The following SAFB variants were observed in gnomAD, a reference collection of about 807,000 sequenced individuals.
The protein encoded by SAFB is scaffold attachment factor B1.
A neutral mutation model predicts 101.6 loss-of-function variants in SAFB; 15 were observed. The ratio of observed to expected loss-of-function variants is 0.15; its 90% CI spans 0.10 to 0.23. The LOEUF is 0.23. Ranked by LOEUF, SAFB falls within the 10% of genes least tolerant of loss-of-function variation. SAFB has a pLI of 1.00. For missense variants in SAFB, 930 were observed against 1,104.1 expected (o/e 0.84, Z 2.23); for synonymous variants, 449 against 407.5 (o/e 1.10, Z -1.23).
chr19:5,636,922 T>C (rs2053606449), intron 2 of SAFB, among the ~76,000 whole-genome samples: 1 of 151,748 alleles, frequency 6.6e-6, no homozygotes, highest in African/African-American at 2.4e-5. Flanking sequence ...TTGACCAGGC[T>C]GGTCTCAAAC....
intron 9 of SAFB, among the ~76,000 whole-genome samples, chr19:5,651,602 C>T (rs2053939817): frequency 6.6e-6 from 1 of 152,188 alleles, no homozygotes; most frequent in Non-Finnish European, 1.5e-5. Context: ...TTGTCTGCAG[C>T]ACCTGCCTTT....
intron 9 of SAFB, among the ~76,000 whole-genome samples, chr19:5,652,508 C>G (rs543425364): frequency 1.3e-5 from 2 of 152,302 alleles, no homozygotes; most frequent in East Asian, 3.9e-4. Flanking sequence ...CAGCCTCGGC[C>G]ACTGGCTGCT....
At chr19:5,652,736 T>A (rs958844350) in intron 9 of SAFB, among the ~76,000 whole-genome samples, 1 of 152,212 alleles carries the variant, frequency 6.6e-6, no homozygotes, top group Non-Finnish European at 1.5e-5. Context: ...AAGTCTTTTT[T>A]TTTTCTTTTT....
intron 2 of SAFB, among the ~76,000 whole-genome samples, chr19:5,631,184 T>C (rs1288878547): frequency 6.6e-6 from 1 of 152,038 alleles, no homozygotes; most frequent in African/African-American, 2.4e-5. Flanking sequence ...TGCAAGACTG[T>C]GTCTCAAAAA....
At chr19:5,662,102 G>A (rs941273266) in intron 15 of SAFB, among the ~76,000 whole-genome samples, 1 of 152,030 alleles carries the variant, frequency 6.6e-6, no homozygotes, top group Admixed American at 6.6e-5. Flanking sequence ...AGCCAGGATG[G>A]TCTCTATCTC....
intron 15 of SAFB, among the ~76,000 whole-genome samples, chr19:5,662,142 C>G (rs2054225637): frequency 6.6e-6 from 1 of 152,178 alleles, no homozygotes; most frequent in South Asian, 2.1e-4. Flanking sequence ...GCCTCGGCCT[C>G]CCAAAATGCT....
intron 1 of SAFB, among the ~76,000 whole-genome samples, chr19:5,623,606 G>C (rs984292576): frequency 1.3e-5 from 2 of 152,172 alleles, no homozygotes; most frequent in Non-Finnish European, 2.9e-5. Context: ...ATGGGGCCAG[G>C]AGAACCACAA....
intron 17 of SAFB, chr19:5,664,826 C>G (rs1367112569): frequency 8.4e-6 from 2 of 239,404 alleles, no homozygotes; most frequent in Non-Finnish European, 1.7e-5. Context: ...CCTCGAGTGC[C>G]TGCCCTCTTT....
intron 2 of SAFB, among the ~76,000 whole-genome samples, chr19:5,632,716 CA>C (rs769162492): frequency 6.6e-6 from 1 of 152,158 alleles, no homozygotes; most frequent in Non-Finnish European, 1.5e-5. Flanking sequence ...AGAAATACAC[CA>C]GACATGTTGT....
chr19:5,667,515 C>G lies in SAFB; in HGVS notation c.2557+65C>G. On this transcript the variant is annotated intron_variant, in intron 19 of 20. Transcript: ENST00000588852. The surrounding 1 kb of genome is among the most constrained non-coding windows in gnomAD (Gnocchi z 4.0). ...GAGTGATGGAAAGATGGAGGCCGCGCCTTCTCTCCTTGGGGGAGCACAGGA... is the reference window on the plus strand; with the variant it reads ...GAGTGATGGAAAGATGGAGGCCGCGGCTTCTCTCCTTGGGGGAGCACAGGA... 8.6e-7 allele frequency: 1 copy of G among 1,159,366 alleles called. No individual in the cohort carries two copies. Among genetic ancestry groups the G allele is most frequent in the Non-Finnish European group, 1.2e-6 (1 of 816,256 alleles). 71.8% of individuals were successfully genotyped at this position (1,159,366 alleles called of 1,614,324 possible). A position where few individuals can be genotyped will look rare whatever the true frequency, so the allele number is the denominator to read the frequency against.
chr19:5,623,134 A>G lies in SAFB; in HGVS notation c.-72A>G. 2 of 1,462,346 alleles carry G rather than the reference A, an allele frequency of 1.4e-6. No homozygotes were observed. The highest frequency in any genetic ancestry group is 1.9e-6 in the Non-Finnish European group (2 of 1,079,734). The allele number at this position is 1,462,346 out of a possible 1,614,324, so 90.6% of individuals were successfully genotyped here. ...GAGCGGTTCCCTCGCAGGCGGCGCC[A>G]TTTTGTGCTAGGAGCCTGATAAAAC... On this transcript the variant is annotated 5_prime_UTR_variant, in exon 1 of 21. Transcript: ENST00000588852.
In SAFB at chr19:5,667,535, A is replaced by G. The variant is rs768523308; in HGVS notation, c.2557+85A>G. ...CCGCGCCTTCTCTCCTTGGGGGAGCACAGGAGGTGCTCTGCTCTCAGTGCT... is the reference window on the plus strand; with the variant it reads ...CCGCGCCTTCTCTCCTTGGGGGAGCGCAGGAGGTGCTCTGCTCTCAGTGCT... On this transcript the variant is annotated intron_variant, in intron 19 of 20. Transcript: ENST00000588852. The surrounding 1 kb of genome is among the most constrained non-coding windows in gnomAD (Gnocchi z 4.0). 1.6e-5 allele frequency: 15 copies of G among 954,756 alleles called. No homozygotes were observed. The highest frequency in any genetic ancestry group is 2.4e-5 in the Non-Finnish European group (15 of 631,814). 59.1% of individuals were successfully genotyped at this position (954,756 alleles called of 1,614,324 possible).
intron 9 of SAFB, among the ~76,000 whole-genome samples, chr19:5,651,668 C>T (rs909441850): frequency 3.9e-5 from 6 of 152,152 alleles, no homozygotes; most frequent in African/African-American, 1.2e-4. Context: ...CAGTGCCCAG[C>T]GCAGCCGCCT....
Position 5,649,407 on chromosome 19 carries a change from A to C in SAFB, c.1056A>C (p.Glu352Asp). Reference protein sequence around the residue: ...APSPEARDSKEDGRKFDFDAC... With the variant: ...APSPEARDSKDDGRKFDFDAC... ...GCCCAGAAGCCAGAGATAGCAAAGA[A>C]GACGGGAGGAAGTTTGATTTTGACG... Residue 352 changes from glutamate to aspartate, a missense_variant, in exon 7 of 21, where the codon GAA becomes GAC. Around this residue, in one of 7 missense-constraint regions of SAFB, gnomAD observed 130 missense variants for 114.2 expected, o/e 1.14. Transcript: ENST00000588852. 2.2e-6 allele frequency: 1 copy of C among 454,258 alleles called. No individual in the cohort carries two copies. The highest frequency in any genetic ancestry group is 3.6e-6 in the Non-Finnish European group (1 of 277,244). 28.1% of individuals were successfully genotyped at this position (454,258 alleles called of 1,614,324 possible). A position where few individuals can be genotyped will look rare whatever the true frequency, so the allele number is the denominator to read the frequency against.
Position 5,667,705 on chromosome 19 carries a change from C to A in SAFB, c.2558-115C>A. On this transcript the variant is annotated intron_variant, in intron 19 of 20. Coordinates refer to ENST00000588852, the MANE Select transcript of SAFB (RefSeq NM_001201338.2). This position sits in a 1 kb window ranked among gnomAD's most constrained non-coding sequence, Gnocchi z 4.0. Reference sequence around the variant, plus strand: ...CTGTGCCCAGGTGTCTTCCTGGGACCCGCTAGTTGTGGGTACCTGGGGGCC... The same window carrying A: ...CTGTGCCCAGGTGTCTTCCTGGGACACGCTAGTTGTGGGTACCTGGGGGCC... The A allele has an allele frequency of 2.0e-6, 2 of 987,412 alleles. No homozygotes were observed. The highest frequency in any genetic ancestry group is 3.1e-6 in the Non-Finnish European group (2 of 638,224). 61.2% of individuals were successfully genotyped at this position (987,412 alleles called of 1,614,324 possible).
At chr19:5,662,638 C>T (rs1053525106) in intron 15 of SAFB, among the ~76,000 whole-genome samples, 1 of 149,796 alleles carries the variant, frequency 6.7e-6, no homozygotes, top group Non-Finnish European at 1.5e-5. Flanking sequence ...CTTTAAGGCC[C>T]TTTCCTTTTT....
chr19:5,636,596 A>G (rs2053600855), intron 2 of SAFB, among the ~76,000 whole-genome samples: 1 of 152,310 alleles, frequency 6.6e-6, no homozygotes, highest in South Asian at 2.1e-4. Context: ...CGTCAATTAC[A>G]GTACAAATAA....
chr19:5,634,849 A>G (rs917390279), intron 2 of SAFB, among the ~76,000 whole-genome samples: 2 of 152,128 alleles, frequency 1.3e-5, no homozygotes, highest in African/African-American at 4.8e-5. Context: ...AAAAATTTAC[A>G]CAGTTCCGCA....
chr19:5,665,713 A>T (rs117304685), intron 17 of SAFB: 1 of 152,272 alleles, frequency 6.6e-6, no homozygotes, highest in East Asian at 1.9e-4. Context: ...TCACATACAC[A>T]GTCATAAATG....
Sources: allele counts gnomAD v4.1 joint callset (sites outside exome capture counted in the v4.1 genomes callset), GRCh38; gene constraint gnomAD v4.1.1; regional missense constraint gnomAD v4.1.1; non-coding constraint Gnocchi (gnomAD v3.1); transcripts MANE v1.5; gene names NCBI Gene and HGNC (gene_info 2026-07-23, HGNC 2026-07-21).